The following ELOVL6 variants were observed in gnomAD, a reference collection of about 807,000 sequenced individuals.
The protein encoded by ELOVL6 is very long chain fatty acid elongase 6.
Under a neutral mutation model 31.7 loss-of-function variants are expected in ELOVL6, and 8 were observed. That is an observed-to-expected ratio of 0.25 (90% CI 0.15 to 0.45). The LOEUF (loss-of-function observed/expected upper bound fraction) is 0.45. Ranked by LOEUF, ELOVL6 falls within the 20% of genes least tolerant of loss-of-function variation. The probability of loss-of-function intolerance (pLI) is 1.00; values close to 1 mark genes in which losing one functional copy is unlikely to be tolerated. For synonymous variants in ELOVL6, 101 were observed against 117.7 expected, an observed-to-expected ratio of 0.86 and a Z score of 0.92; for missense variants, 126 against 326.4, an observed-to-expected ratio of 0.39 and a Z score of 4.73.
At chr4:110,136,175 C>T (rs914830007) in intron 1 of ELOVL6, among the ~76,000 whole-genome samples, 4 of 152,080 alleles carry the variant, frequency 2.6e-5, no homozygotes, top group African/African-American at 9.7e-5. Flanking sequence ...TTCTCAAATT[C>T]CTATTTCACT....
chr4:110,136,909 G>A (rs1757828812), intron 1 of ELOVL6, among the ~76,000 whole-genome samples: 1 of 152,150 alleles, frequency 6.6e-6, no homozygotes. Context: ...ATATCTAGAT[G>A]TCTTCTGGGA....
At chr4:110,076,423 AAC>A (rs1200415250) in intron 2 of ELOVL6, among the ~76,000 whole-genome samples, 4 of 152,212 alleles carry the variant, frequency 2.6e-5, no homozygotes, top group Admixed American at 6.5e-5. Context: ...ATAATAATAG[AAC>A]ACACAGAGAA....
intron 2 of ELOVL6, among the ~76,000 whole-genome samples, chr4:110,070,244 T>C (rs1300383668): frequency 6.6e-6 from 1 of 152,130 alleles, no homozygotes; most frequent in African/African-American, 2.4e-5. Context: ...ACTTTTCTAA[T>C]AGGAACAAAG....
chr4:110,113,732 C>G (rs1405683530), intron 1 of ELOVL6, among the ~76,000 whole-genome samples: 1 of 152,054 alleles, frequency 6.6e-6, no homozygotes, highest in African/African-American at 2.4e-5. Flanking sequence ...GTGAGAATTT[C>G]CAGGTAACGA....
chr4:110,167,700 TGTATGTA>T (rs1758819367), intron 1 of ELOVL6, among the ~76,000 whole-genome samples: 1 of 149,782 alleles, frequency 6.7e-6, no homozygotes, highest in South Asian at 2.1e-4. Context: ...TATGTATGTA[TGTATGTA>T]TGTTTGTATG....
At chr4:110,054,964 T>G (rs780482441) in intron 3 of ELOVL6, among the ~76,000 whole-genome samples, 2 of 152,174 alleles carry the variant, frequency 1.3e-5, no homozygotes, top group African/African-American at 2.4e-5. Context: ...GGAATGAAAT[T>G]GATCATCTCC....
At position 110,106,457 on chromosome 4, in the gene ELOVL6, C is replaced by T. The variant is rs548138083; in HGVS notation, c.90-829G>A. On this transcript the variant is annotated intron_variant, in intron 1 of 3. Transcript: ENST00000302274. ...TTCATGAGTGCTCCGGGGAAAGGGG[C>T]GGGGATTTCCCCAGGAACAGAACTG... Among the ~76,000 whole-genome samples, 8 of 152,150 alleles carry T rather than the reference C, an allele frequency of 5.3e-5. 1 individual carries two copies. In the South Asian group the frequency reaches 6.2e-4, roughly 12 times the overall value.
chr4:110,169,546 C>T (rs1166894661), intron 1 of ELOVL6, among the ~76,000 whole-genome samples: 2 of 151,430 alleles, frequency 1.3e-5, no homozygotes, highest in African/African-American at 4.8e-5. Context: ...CCTGGCCAGC[C>T]CAATAGAAGT....
intron 2 of ELOVL6, among the ~76,000 whole-genome samples, chr4:110,068,723 G>A (rs1229663585): frequency 2.0e-5 from 3 of 152,174 alleles, no homozygotes; most frequent in African/African-American, 2.4e-5. Flanking sequence ...TCTGGAGTGT[G>A]CAACTGGAAA....
intron 1 of ELOVL6, among the ~76,000 whole-genome samples, chr4:110,171,527 G>GA (rs1170580193): frequency 1.3e-5 from 2 of 151,930 alleles, no homozygotes; most frequent in Admixed American, 1.3e-4. Context: ...GTCTCCATAA[G>GA]AAGCTCAAGA....
chr4:110,188,614 G>A (rs115445400), intron 1 of ELOVL6, among the ~76,000 whole-genome samples: 1,937 of 152,182 alleles, frequency 0.013, 41 homozygotes, highest in African/African-American at 0.044. Context: ...TTGGCCAGGC[G>A]CGGTGGCTCA....
At chr4:110,080,843 C>T (rs1250228995) in intron 2 of ELOVL6, among the ~76,000 whole-genome samples, 1 of 151,908 alleles carries the variant, frequency 6.6e-6, no homozygotes, top group Admixed American at 6.6e-5. Flanking sequence ...CTAGAAAACC[C>T]CATCATCTCA....
chr4:110,081,503 T>A (rs1227676552), intron 2 of ELOVL6, among the ~76,000 whole-genome samples: 2 of 152,182 alleles, frequency 1.3e-5, no homozygotes, highest in Non-Finnish European at 2.9e-5. Flanking sequence ...AAGGATTCCC[T>A]ATTTAATAAA....
At chr4:110,086,784 T>C (rs1279447502) in intron 2 of ELOVL6, among the ~76,000 whole-genome samples, 3 of 152,162 alleles carry the variant, frequency 2.0e-5, no homozygotes, top group African/African-American at 7.2e-5. Flanking sequence ...TTAAAATTGT[T>C]TTAAAACACA....
rs1334716063 is a variant in ELOVL6, at chr4:110,179,026, A to G, written c.89+19221T>C. ...TACAACTGATAATGTTTATGCTTTT[A>G]CAAGTGTCTCTGCAAAAGTATGTAT... On this transcript the variant is annotated intron_variant, in intron 1 of 3. Transcript: ENST00000302274. Among the ~76,000 whole-genome samples the G allele has an allele frequency of 2.6e-5, 4 of 152,190 alleles. No homozygotes were observed. The East Asian group carries it at 7.7e-4, about 29-fold the overall frequency.
intron 2 of ELOVL6, among the ~76,000 whole-genome samples, chr4:110,102,256 T>C (rs1416403431): frequency 6.6e-6 from 1 of 152,158 alleles, no homozygotes; most frequent in Non-Finnish European, 1.5e-5. Flanking sequence ...CTGAAGAAAG[T>C]AAAATAACAG....
At chr4:110,109,359 G>A (rs914433848) in intron 1 of ELOVL6, among the ~76,000 whole-genome samples, 3 of 152,098 alleles carry the variant, frequency 2.0e-5, no homozygotes, top group Non-Finnish European at 2.9e-5. Flanking sequence ...ATGATTACCA[G>A]GTGACCAACC....
At chr4:110,144,508 G>A (rs1403366201) in intron 1 of ELOVL6, among the ~76,000 whole-genome samples, 3 of 152,148 alleles carry the variant, frequency 2.0e-5, no homozygotes, top group Admixed American at 1.3e-4. Flanking sequence ...TTCCCTAACA[G>A]AATGTGAATA....
At chr4:110,138,521 G>A (rs1757869560) in intron 1 of ELOVL6, among the ~76,000 whole-genome samples, 2 of 152,188 alleles carry the variant, frequency 1.3e-5, no homozygotes, top group Non-Finnish European at 2.9e-5. Context: ...TTAGCAGGTG[G>A]AGGGGAGCTC....
Sources: gnomAD v4.1 joint callset for allele counts (sites outside exome capture counted in the v4.1 genomes callset) on GRCh38, gnomAD v4.1.1 for gene constraint, MANE v1.5 for transcripts, NCBI Gene and HGNC (gene_info 2026-07-23, HGNC 2026-07-21) for gene names.